MOXD1: variants seen among roughly 807,000 people sequenced by gnomAD.
The protein encoded by MOXD1 is DBH-like monooxygenase protein 1.
A neutral mutation model predicts 66.6 loss-of-function variants in MOXD1; 62 were observed. That is an observed-to-expected ratio of 0.93 (90% confidence interval 0.76 to 1.15). MOXD1 has a LOEUF of 1.15. MOXD1 is among the 50% of genes most tolerant of loss of function. The pLI, the probability that MOXD1 is intolerant of heterozygous loss-of-function variation, is 0.00. For synonymous variants in MOXD1, 303 were observed against 281.9 expected (o/e 1.07, Z -0.75); for missense variants, 847 against 754.6 (o/e 1.12, Z -1.44).
intron 4 of MOXD1, among the ~76,000 whole-genome samples, chr6:132,342,220 T>G (rs1337161567): frequency 6.6e-6 from 1 of 152,214 alleles, no homozygotes; most frequent in East Asian, 1.9e-4. Flanking sequence ...CAGGCTGGTC[T>G]CAAACTCCTG....
chr6:132,361,073 A>C (rs556718108), intron 4 of MOXD1, among the ~76,000 whole-genome samples: 1 of 152,168 alleles, frequency 6.6e-6, no homozygotes, highest in African/African-American at 2.4e-5. Flanking sequence ...TGGTGCAAAG[A>C]TCTCTCTTTA....
At chr6:132,394,079 C>T (rs1054928020) in intron 1 of MOXD1, among the ~76,000 whole-genome samples, 1 of 152,180 alleles carries the variant, frequency 6.6e-6, no homozygotes, top group Non-Finnish European at 1.5e-5. Flanking sequence ...ATGCTCAACC[C>T]ACTGCTGCCA....
At chr6:132,375,659 A>T (rs1776365168) in intron 1 of MOXD1, among the ~76,000 whole-genome samples, 1 of 152,150 alleles carries the variant, frequency 6.6e-6, no homozygotes, top group Non-Finnish European at 1.5e-5. Flanking sequence ...TGACCTCGTG[A>T]TCTGCCCATC....
intron 9 of MOXD1, among the ~76,000 whole-genome samples, chr6:132,318,333 G>A (rs1385844171): frequency 6.6e-6 from 1 of 151,932 alleles, no homozygotes; most frequent in Non-Finnish European, 1.5e-5. Flanking sequence ...CAGTGTATAA[G>A]TGTTCCAGTT....
chr6:132,327,464 A>T (rs1348473051), intron 6 of MOXD1, among the ~76,000 whole-genome samples: 1 of 152,214 alleles, frequency 6.6e-6, no homozygotes, highest in Non-Finnish European at 1.5e-5. Context: ...TTTCGTGTTA[A>T]ATCTATCAAT....
At chr6:132,365,063 C>T (rs1776091891) in intron 4 of MOXD1, among the ~76,000 whole-genome samples, 1 of 152,014 alleles carries the variant, frequency 6.6e-6, no homozygotes, top group Non-Finnish European at 1.5e-5. Context: ...AACTTAATAG[C>T]CATTAAATAA....
At chr6:132,311,764 A>G (rs1774836293) in intron 10 of MOXD1, among the ~76,000 whole-genome samples, 1 of 152,130 alleles carries the variant, frequency 6.6e-6, no homozygotes, top group Non-Finnish European at 1.5e-5. Flanking sequence ...ATATAAATAT[A>G]TACATATTAA....
chr6:132,398,601 CA>C (rs1776949530), intron 1 of MOXD1, among the ~76,000 whole-genome samples: 1 of 152,066 alleles, frequency 6.6e-6, no homozygotes, highest in Admixed American at 6.5e-5. Context: ...CAAAATTACA[CA>C]AAACATGAAG....
At chr6:132,360,648 G>T (rs1439874137) in intron 4 of MOXD1, among the ~76,000 whole-genome samples, 1 of 152,106 alleles carries the variant, frequency 6.6e-6, no homozygotes, top group Non-Finnish European at 1.5e-5. Context: ...TGACATGAAT[G>T]TTCATTCGGC....
chr6:132,351,045 G>A (rs983515604), intron 4 of MOXD1, among the ~76,000 whole-genome samples: 1 of 152,094 alleles, frequency 6.6e-6, no homozygotes, highest in African/African-American at 2.4e-5. Flanking sequence ...GCTTTCTGGA[G>A]TCGTCTTTGG....
At chr6:132,312,552 T>C (rs1774852958) in intron 10 of MOXD1, among the ~76,000 whole-genome samples, 1 of 152,128 alleles carries the variant, frequency 6.6e-6, no homozygotes, top group South Asian at 2.1e-4. Context: ...TTTGTGCTCA[T>C]ATTTTTGAGG....
At chr6:132,351,006 T>C (rs1263246794) in intron 4 of MOXD1, among the ~76,000 whole-genome samples, 1 of 152,164 alleles carries the variant, frequency 6.6e-6, no homozygotes, top group African/African-American at 2.4e-5. Flanking sequence ...ATCCAGAAAC[T>C]TTGCCAAATT....
At chr6:132,349,406 CATATATATATATATACAT>C (rs1775741862) in intron 4 of MOXD1, among the ~76,000 whole-genome samples, 5 of 72,044 alleles carry the variant, frequency 6.9e-5, no homozygotes, top group African/African-American at 4.0e-4. Flanking sequence ...CATATATATA[CATATATATATATATACAT>C]ATATATATAT....
At chr6:132,297,760 G>A (rs879195630) in intron 11 of MOXD1, 27 bp downstream of exon 11, 22 of 1,563,496 alleles carry the variant, frequency 1.4e-5, no homozygotes, top group South Asian at 2.4e-5. Context: ...GTGTCATCTG[G>A]GTTGTCAGAG....
At chr6:132,315,968 T>A (rs1242202776) in intron 9 of MOXD1, among the ~76,000 whole-genome samples, 191 bp from the exon 10 acceptor site, 3 of 152,190 alleles carry the variant, frequency 2.0e-5, no homozygotes, top group Non-Finnish European at 2.9e-5. Flanking sequence ...ATTTCCACTT[T>A]AAAAATTTGC....
chr6:132,297,167 T>C lies in MOXD1; in HGVS notation c.1828A>G (p.Thr610Ala), dbSNP rs747431010. 3 of 1,613,322 alleles carry C rather than the reference T, an allele frequency of 1.9e-6. No homozygotes were observed. The highest frequency in any genetic ancestry group is 1.7e-6 in the Non-Finnish European group (2 of 1,179,546). ...CLLLLSCTLS[T>A]KSL is the part of the protein sequence containing the mutation. ...CAGAATTTTGATCACAAGCTCTTGG[T>C]GCTCAGCGTGCAGCTGAGTAGCAGA... is the stretch of plus-strand genomic sequence containing the variant. The change falls in exon 12 of 12, where the codon ACC becomes GCC. Residue 610 changes from threonine (T) to alanine (A), a missense_variant. Physicochemically the swap from Thr to Ala is moderately conservative, Grantham distance 58. Transcript: ENST00000367963.
At chr6:132,369,327 C>G (rs996710270) in intron 4 of MOXD1, among the ~76,000 whole-genome samples, 5 of 152,078 alleles carry the variant, frequency 3.3e-5, no homozygotes, top group African/African-American at 1.2e-4. Flanking sequence ...AATGCCTTTT[C>G]CATTTCAACT....
At chr6:132,368,290 A>G (rs1286093831) in intron 4 of MOXD1, among the ~76,000 whole-genome samples, 4 of 152,110 alleles carry the variant, frequency 2.6e-5, no homozygotes, top group Non-Finnish European at 5.9e-5. Flanking sequence ...AAAGCTTAAA[A>G]AGAGTCATGC....
intron 1 of MOXD1, among the ~76,000 whole-genome samples, chr6:132,398,034 C>T (rs911366442): frequency 5.9e-5 from 9 of 152,148 alleles, no homozygotes; most frequent in African/African-American, 2.2e-4. Flanking sequence ...AATTTCTATT[C>T]CTCCACACCT....
Sources: allele counts gnomAD v4.1 joint callset (sites outside exome capture counted in the v4.1 genomes callset), GRCh38; gene constraint gnomAD v4.1.1; transcripts MANE v1.5; gene names NCBI Gene and HGNC (gene_info 2026-07-23, HGNC 2026-07-21).